Variants in ABCC11 observed in about 807,000 individuals in gnomAD.
The protein encoded by ABCC11 is ATP binding cassette subfamily C member 11, also known as ATP-binding cassette sub-family C member 11.
In ABCC11, 135 loss-of-function variants were observed where a neutral mutation model predicts 149.3. The ratio of observed to expected loss-of-function variants is 0.90; its 90% CI spans 0.79 to 1.04. The LOEUF (loss-of-function observed/expected upper bound fraction) is 1.04. Ranked by LOEUF, ABCC11 falls within the 50% of genes least tolerant of loss-of-function variation. The pLI is 0.00. For missense variants in ABCC11, 1,680 were observed against 1,722.1 expected, an observed-to-expected ratio of 0.98 and a Z score of 0.43; for synonymous variants, 665 against 671.4, an observed-to-expected ratio of 0.99 and a Z score of 0.15.
At chr16:48,211,558 G>GA (rs1418493396) in intron 10 of ABCC11, among the ~76,000 whole-genome samples, 3 of 152,080 alleles carry the variant, frequency 2.0e-5, no homozygotes, top group Non-Finnish European at 2.9e-5. Flanking sequence ...ATTCTATTTA[G>GA]ATTGGGCTGG....
At chr16:48,235,054 T>A (rs1186351535) in intron 1 of ABCC11, 1 of 152,220 alleles carries the variant, frequency 6.6e-6, no homozygotes, top group Non-Finnish European at 1.5e-5. Flanking sequence ...TATTTTTCCC[T>A]CATTAACCAG....
At chr16:48,203,725 G>A (rs937698312) in intron 13 of ABCC11, among the ~76,000 whole-genome samples, 2 of 152,108 alleles carry the variant, frequency 1.3e-5, no homozygotes, top group African/African-American at 4.8e-5. Flanking sequence ...AAAATTAACT[G>A]GGCGTGCTGG....
chr16:48,214,287 T>C lies in ABCC11; in HGVS notation c.1248+594A>G, dbSNP rs530604994. On this transcript the variant is annotated intron_variant, in intron 9 of 29. Transcript: ENST00000356608. ...CTCAGACTTCTCGGGGGTGTTTTCC[T>C]GGTGCATGCCTGAGCCAAGCAGAGG... Among the ~76,000 whole-genome samples the C allele has an allele frequency of 2.7e-3, 406 of 152,184 alleles. 3 individuals carry two copies. The highest frequency in any genetic ancestry group is 2.9e-3 in the Non-Finnish European group (194 of 68,010).
At chr16:48,178,462 A>G (rs2150739476) in intron 24 of ABCC11, 135 bp downstream of exon 24, 2 of 749,360 alleles carry the variant, frequency 2.7e-6, no homozygotes, top group Non-Finnish European at 4.4e-6. Context: ...TGGGGAAGAC[A>G]GGGAGGAAAG....
rs185188677 is a variant in ABCC11, at chr16:48,168,095, G to A, written c.3892-435C>T. Among the ~76,000 whole-genome samples, 18 of 152,234 alleles carry A rather than the reference G, an allele frequency of 1.2e-4. No homozygotes were observed. In the East Asian group the frequency reaches 2.7e-3, roughly 23 times the overall value. ...ACATTTTTGTATTTATTTCATTAACGATATGCATGAGGAAACTGTAACTCA... is the reference window on the plus strand; with the variant it reads ...ACATTTTTGTATTTATTTCATTAACAATATGCATGAGGAAACTGTAACTCA... On this transcript the variant is annotated intron_variant, in intron 28 of 29. Transcript: ENST00000356608.
chr16:48,237,320 C>T (rs1201379587), intron 1 of ABCC11, among the ~76,000 whole-genome samples: 2 of 152,228 alleles, frequency 1.3e-5, no homozygotes, highest in African/African-American at 4.8e-5. Context: ...GGATCTTCAG[C>T]TACTGGCTCA....
At chr16:48,167,750 C>A in intron 28 of ABCC11, 90 bp from the exon 29 acceptor site, 1 of 1,422,462 alleles carries the variant, frequency 7.0e-7, no homozygotes, top group Non-Finnish European at 9.7e-7. Context: ...CACCAGGGCC[C>A]TTCCTCTCCA....
chr16:48,201,698 C>A (rs1967997099), intron 14 of ABCC11, among the ~76,000 whole-genome samples: 2 of 152,138 alleles, frequency 1.3e-5, no homozygotes, highest in African/African-American at 4.8e-5. Flanking sequence ...GCACTGTGTG[C>A]ACCCACTCAA....
chr16:48,208,332 A>G, intron 12 of ABCC11, 93 bp downstream of exon 12: 1 of 1,390,364 alleles, frequency 7.2e-7, no homozygotes, highest in East Asian at 2.3e-5. Flanking sequence ...CCTGTGAGGA[A>G]GAAAGCAGTG....
chr16:48,187,136 G>T lies in ABCC11; in HGVS notation c.2934-46C>A, dbSNP rs1368832192. ...AGGGACCTGGACCGTCCACCTCTGGGACCATCTAGTCTGGGTTGGTCCCAG... is the reference window on the plus strand; with the variant it reads ...AGGGACCTGGACCGTCCACCTCTGGTACCATCTAGTCTGGGTTGGTCCCAG... On this transcript the variant is annotated intron_variant, in intron 21 of 29. Transcript: ENST00000356608. 1.9e-6 allele frequency: 3 copies of T among 1,613,744 alleles called. No homozygotes were observed. In the South Asian group the frequency reaches 3.3e-5, roughly 18 times the overall value.
At chr16:48,197,249 G>A (rs964023923) in intron 17 of ABCC11, among the ~76,000 whole-genome samples, 1 of 152,106 alleles carries the variant, frequency 6.6e-6, no homozygotes, top group African/African-American at 2.4e-5. Context: ...TCTTGAACCT[G>A]GGAGGCAGAG....
At chr16:48,244,576 C>T in intron 1 of ABCC11, 1 of 1,503,346 alleles carries the variant, frequency 6.7e-7, no homozygotes, top group Non-Finnish European at 8.9e-7. Context: ...ATCCCCAACA[C>T]GCCTGACCCC....
In ABCC11 at chr16:48,231,729, G is replaced by A. The variant is rs572063622; in HGVS notation, c.99+94C>T. The A allele has an allele frequency of 1.1e-5, 16 of 1,493,854 alleles. No individual in the cohort carries two copies. In the South Asian group the frequency reaches 1.6e-4, roughly 15 times the overall value. 92.5% of individuals were successfully genotyped at this position (1,493,854 alleles called of 1,614,324 possible). On this transcript the variant is annotated intron_variant, in intron 2 of 29. Transcript: ENST00000356608. ...AGAAAAAAAATTCAAGGGTAAATAA[G>A]TATGGGAAGAAATTGTTTGACGTAA...
chr16:48,228,678 A>G (rs912506487), intron 3 of ABCC11, among the ~76,000 whole-genome samples: 1 of 152,218 alleles, frequency 6.6e-6, no homozygotes, highest in Admixed American at 6.5e-5. Flanking sequence ...CAGTATGTAC[A>G]TTTATATCAC....
intron 11 of ABCC11, 75 bp downstream of exon 11, chr16:48,210,873 C>T (rs776385364): frequency 2.8e-5 from 44 of 1,548,030 alleles, no homozygotes; most frequent in Non-Finnish European, 3.5e-5. Context: ...AATGGTGGGG[C>T]ACCTGGCCAA....
intron 17 of ABCC11, among the ~76,000 whole-genome samples, chr16:48,197,151 C>T (rs1417875382): frequency 2.6e-5 from 4 of 152,048 alleles, no homozygotes; most frequent in African/African-American, 9.7e-5. Flanking sequence ...ATGGTGAAAC[C>T]CAGTCTCTAC....
intron 6 of ABCC11, among the ~76,000 whole-genome samples, chr16:48,220,492 G>T (rs909793355): frequency 6.6e-6 from 1 of 152,164 alleles, no homozygotes; most frequent in Non-Finnish European, 1.5e-5. Flanking sequence ...TTAGCTGTGG[G>T]TCAAGTGCAG....
chr16:48,241,152 T>C (rs1388343605), intron 1 of ABCC11, among the ~76,000 whole-genome samples: 2 of 152,164 alleles, frequency 1.3e-5, no homozygotes, highest in Non-Finnish European at 2.9e-5. Flanking sequence ...GCCAGTCTGG[T>C]CTCGAACTCC....
chr16:48,186,118 A>C (rs1966729973), intron 22 of ABCC11, among the ~76,000 whole-genome samples: 1 of 152,186 alleles, frequency 6.6e-6, no homozygotes, highest in Non-Finnish European at 1.5e-5. Context: ...TAGAGTCTGC[A>C]CAGACCTTGA....
Sources: allele counts gnomAD v4.1 joint callset (sites outside exome capture counted in the v4.1 genomes callset), GRCh38; gene constraint gnomAD v4.1.1; transcripts MANE v1.5; gene names NCBI Gene and HGNC (gene_info 2026-07-23, HGNC 2026-07-21).